BOD1L1: variants seen among roughly 807,000 people sequenced by gnomAD.
The protein encoded by BOD1L1 is biorientation of chromosomes in cell division protein 1-like 1.
A neutral mutation model predicts 240.7 loss-of-function variants in BOD1L1; 86 were observed. The observed-to-expected ratio is 0.36, with a 90% CI of 0.30 to 0.43. The LOEUF (loss-of-function observed/expected upper bound fraction) is 0.43. BOD1L1 is among the 20% of genes least tolerant of loss of function. The probability of loss-of-function intolerance (pLI) is 1.00; values close to 1 mark genes in which losing one functional copy is unlikely to be tolerated. For missense variants in BOD1L1, 3,554 were observed against 3,643.5 expected, an observed-to-expected ratio of 0.98 and a Z score of 0.63; for synonymous variants, 1,268 against 1,272.3, an observed-to-expected ratio of 1.00 and a Z score of 0.07.
chr4:13,608,164 T>G (rs554939625), intron 8 of BOD1L1, among the ~76,000 whole-genome samples: 1 of 152,242 alleles, frequency 6.6e-6, no homozygotes, highest in African/African-American at 2.4e-5. Flanking sequence ...AAATAATAAT[T>G]GAAAATAAGT....
chr4:13,622,192 C>A (rs1717090628), intron 1 of BOD1L1, among the ~76,000 whole-genome samples: 1 of 152,090 alleles, frequency 6.6e-6, no homozygotes, highest in Non-Finnish European at 1.5e-5. Context: ...TTCTTTCTCC[C>A]CAATGATTCT....
rs769428214 is a variant in BOD1L1, at chr4:13,604,711, C to A, written c.2189G>T (p.Arg730Ile). 2.5e-6 allele frequency: 4 copies of A among 1,602,498 alleles called. No homozygotes were observed. Among genetic ancestry groups the A allele is most frequent in the Admixed American group, 3.5e-5 (2 of 57,196 alleles). ...EVKSSKEKPE[R>I]EKTPSEDKLS... ...TTTGTCTTCCGATGGAGTTTTCTCTCTTTCAGGCTTCTCCTTGGAGGATTT... is the reference window on the plus strand; with the variant it reads ...TTTGTCTTCCGATGGAGTTTTCTCTATTTCAGGCTTCTCCTTGGAGGATTT... The change falls in exon 10 of 26, where the codon AGA (arginine) becomes ATA (isoleucine). Residue 730 changes from arginine (R) to isoleucine (I), a missense_variant. Physicochemically the swap from Arg to Ile is moderately conservative, Grantham distance 97. Coordinates refer to ENST00000040738, the MANE Select transcript of BOD1L1 (RefSeq NM_148894.3).
chr4:13,593,013 G>T (rs1170475652), intron 12 of BOD1L1: 2 of 152,068 alleles, frequency 1.3e-5, no homozygotes, highest in Non-Finnish European at 2.9e-5. Context: ...TCAAAAATGA[G>T]AAATCTGAAA....
At chr4:13,573,684 C>T (rs991337033) in intron 25 of BOD1L1, among the ~76,000 whole-genome samples, 27 of 152,026 alleles carry the variant, frequency 1.8e-4, no homozygotes, top group African/African-American at 6.3e-4. Flanking sequence ...CCACAATGCT[C>T]GGCTACTTTT....
chr4:13,596,138 G>A lies in BOD1L1; in HGVS notation c.8020-194C>T, dbSNP rs75739980. On this transcript the variant is annotated intron_variant, in intron 11 of 25. Coordinates refer to ENST00000040738, the MANE Select transcript of BOD1L1 (RefSeq NM_148894.3). ...CCAAGTAAAAAATCAATTTAATCTCGTATTTCATCCATCAATGGGTATTCT... is the reference window on the plus strand; with the variant it reads ...CCAAGTAAAAAATCAATTTAATCTCATATTTCATCCATCAATGGGTATTCT... Among the ~76,000 whole-genome samples, 1,329 of 152,076 alleles carry A rather than the reference G, an allele frequency of 8.7e-3. 16 individuals carry two copies. Among genetic ancestry groups the A allele is most frequent in the African/African-American group, 0.03 (1,264 of 41,460 alleles).
chr4:13,607,911 G>A (rs1715841653), intron 8 of BOD1L1, among the ~76,000 whole-genome samples: 1 of 152,160 alleles, frequency 6.6e-6, no homozygotes, highest in Non-Finnish European at 1.5e-5. Flanking sequence ...ACCAAGTTCT[G>A]CAAATTATCA....
rs1264053759 is a variant in BOD1L1 at position 13,599,096 on chromosome 4, C to T, written c.7804G>A (p.Asp2602Asn). Residue 2602 changes from aspartate (D) to asparagine (N), a missense_variant, in exon 10 of 26, where the codon GAC (aspartate) becomes AAC (asparagine). Physicochemically the swap from Asp to Asn is conservative, Grantham distance 23. This residue lies in a region of BOD1L1 where 3,393 missense variants were observed against 3,427.1 expected (regional missense o/e 0.99). Coordinates refer to ENST00000040738, the MANE Select transcript of BOD1L1 (RefSeq NM_148894.3). ...VALLAPKCEQ[D>N]LTIKNDYSGK... ...CTATAATCATTCTTTATAGTCAAGT[C>T]CTGCTCACATTTAGGAGCCAACAGA... The T allele has an allele frequency of 1.2e-6, 2 of 1,613,972 alleles. No homozygotes were observed. The highest frequency in any genetic ancestry group is 2.2e-5 in the East Asian group (1 of 44,872).
At chr4:13,621,620 C>CTCTA (rs1351170925) in intron 1 of BOD1L1, among the ~76,000 whole-genome samples, 1 of 152,152 alleles carries the variant, frequency 6.6e-6, no homozygotes, top group East Asian at 1.9e-4. Context: ...AAGCCTCCTC[C>CTCTA]TCTATCTCTC....
rs555265413 is a variant in BOD1L1, at chr4:13,581,049, C to G, written c.8674G>C (p.Asp2892His). ...PVETTLKMKD[D>H]SKTDTGIVTV... Reference sequence around the variant, plus strand: ...ACAATGCCAGTATCTGTTTTGGAGTCGTCTTCTAAAAAAAAAAAATTCACT... The same window carrying G: ...ACAATGCCAGTATCTGTTTTGGAGTGGTCTTCTAAAAAAAAAAAATTCACT... Residue 2892 changes from aspartate (D) to histidine (H), a missense_variant, in exon 21 of 26, where the codon GAC becomes CAC. Transcript: ENST00000040738. 1.9e-6 allele frequency: 3 copies of G among 1,568,508 alleles called. No individual in the cohort carries two copies. The highest frequency in any genetic ancestry group is 2.6e-6 in the Non-Finnish European group (3 of 1,156,302).
Position 13,601,773 on chromosome 4 carries a change from G to A in BOD1L1, c.5127C>T (p.Gly1709=). 6.2e-7 allele frequency: 1 copy of A among 1,613,932 alleles called. No homozygotes were observed. The highest frequency in any genetic ancestry group is 8.5e-7 in the Non-Finnish European group (1 of 1,179,876). The part of the protein sequence containing the change: ...AGSISSEEVD[G]SQGNMMRMGP... ...CCATTCTCATCATATTTCCCTGGGA[G>A]CCATCCACCTCTTCACTGCTTATAG... The change falls in exon 10 of 26, where the codon GGC becomes GGT. Residue 1709 remains glycine (G), a synonymous_variant. Coordinates refer to ENST00000040738, the MANE Select transcript of BOD1L1 (RefSeq NM_148894.3).
intron 25 of BOD1L1, among the ~76,000 whole-genome samples, chr4:13,575,270 G>C (rs1266513933): frequency 2.0e-5 from 3 of 152,002 alleles, no homozygotes; most frequent in Non-Finnish European, 4.4e-5. Flanking sequence ...TATGCTGTTA[G>C]TGTTATTTTT....
intron 25 of BOD1L1, among the ~76,000 whole-genome samples, chr4:13,573,917 T>C (rs150099203): frequency 6.6e-6 from 1 of 152,174 alleles, no homozygotes; most frequent in Non-Finnish European, 1.5e-5. Context: ...CCTCAAGCAA[T>C]CTTCCTGCCT....
Position 13,603,645 on chromosome 4 carries a change from T to G in BOD1L1, c.3255A>C (p.Gly1085=). Residue 1085 remains glycine (G), a synonymous_variant, in exon 10 of 26, where the codon GGA becomes GGC. Transcript: ENST00000040738. The part of the protein sequence containing the change: ...RGSLSQEMAK[G]EEKLAANTLS... ...AAGTGTTTGCTGCTAATTTTTCTTC[T>G]CCTTTGGCCATTTCTTGTGACAAGC... The G allele has an allele frequency of 1.2e-6, 2 of 1,613,894 alleles. No individual in the cohort carries two copies. Among genetic ancestry groups the G allele is most frequent in the Non-Finnish European group, 1.7e-6 (2 of 1,179,860 alleles).
At chr4:13,570,781 T>C (rs932360367) in intron 25 of BOD1L1, among the ~76,000 whole-genome samples, 2 of 152,182 alleles carry the variant, frequency 1.3e-5, no homozygotes, top group African/African-American at 2.4e-5. Flanking sequence ...GAGCCTTTTA[T>C]AGTTCTGCCT....
intron 17 of BOD1L1, 58 bp from the exon 18 acceptor site, chr4:13,582,794 A>C: frequency 1.7e-6 from 2 of 1,168,380 alleles, no homozygotes; most frequent in Non-Finnish European, 2.5e-6. Context: ...TCGTCCATTC[A>C]TCCTCCCCAC....
chr4:13,624,171 C>T (rs1717227122), intron 1 of BOD1L1: 1 of 151,724 alleles, frequency 6.6e-6, no homozygotes, highest in Non-Finnish European at 1.5e-5. Context: ...AGTACCAGAA[C>T]ATAACCTGTA....
chr4:13,608,713 CA>C lies in BOD1L1; in HGVS notation c.1604-46del, dbSNP rs530364305. ...TAAAACGTATTTCAGAAAAGTTTTA[CA>C]AACAATGTAATATTAATTTTTCATT... On this transcript the variant is annotated intron_variant, in intron 7 of 25. Coordinates refer to ENST00000040738, the MANE Select transcript of BOD1L1 (RefSeq NM_148894.3). 1.2e-4 allele frequency: 159 copies of C among 1,353,976 alleles called. No homozygotes were observed. In the East Asian group the frequency reaches 4.6e-3, roughly 39 times the overall value. The allele number at this position is 1,353,976 out of a possible 1,614,324, so 83.9% of individuals were successfully genotyped here. A position where few individuals can be genotyped will look rare whatever the true frequency, so the allele number is the denominator to read the frequency against.
Position 13,601,042 on chromosome 4 carries a change from A to G in BOD1L1, c.5858T>C (p.Ile1953Thr). 6.2e-7 allele frequency: 1 copy of G among 1,613,756 alleles called. No individual in the cohort carries two copies. The highest frequency in any genetic ancestry group is 1.1e-5 in the South Asian group (1 of 91,050). The stretch of plus-strand genomic sequence containing the variant: ...TGCACTGGTCACACTGCTTTCTACA[A>G]TCCCTTTTGCACTGGAGCAGATATC... ...DTDICSSAKG[I>T]VESSVTSAVS... The change falls in exon 10 of 26, where the codon ATT (isoleucine) becomes ACT (threonine). Residue 1953 changes from isoleucine (I) to threonine (T), a missense_variant. By Grantham distance (89) the Ile-to-Thr change is moderately conservative. Around this residue, in one of 2 missense-constraint regions of BOD1L1, gnomAD observed 3,393 missense variants for 3,427.1 expected, o/e 0.99. Coordinates refer to ENST00000040738, the MANE Select transcript of BOD1L1 (RefSeq NM_148894.3).
chr4:13,608,606 T>C lies in BOD1L1; in HGVS notation c.1666A>G (p.Ile556Val). ...TTCCGTTCTTTAAGGACTTCTTTAATTCTGGCGGCTTTAGGTTCCAAACTC... is the reference window on the plus strand; with the variant it reads ...TTCCGTTCTTTAAGGACTTCTTTAACTCTGGCGGCTTTAGGTTCCAAACTC... ...TKSLEPKAARIKEVLKERKVL... is the reference protein window; with the variant it reads ...TKSLEPKAARVKEVLKERKVL... Residue 556 changes from isoleucine (I) to valine (V), a missense_variant, in exon 8 of 26, where the codon ATT (isoleucine) becomes GTT (valine). Physicochemically the swap from Ile to Val is conservative, Grantham distance 29. Around this residue, in one of 2 missense-constraint regions of BOD1L1, gnomAD observed 3,393 missense variants for 3,427.1 expected, o/e 0.99. Transcript: ENST00000040738. The C allele has an allele frequency of 4.5e-6, 7 of 1,563,218 alleles. No homozygotes were observed. The highest frequency in any genetic ancestry group is 6.1e-6 in the Non-Finnish European group (7 of 1,155,458).
Sources: allele counts gnomAD v4.1 joint callset (sites outside exome capture counted in the v4.1 genomes callset), GRCh38; gene constraint gnomAD v4.1.1; regional missense constraint gnomAD v4.1.1; transcripts MANE v1.5; gene names NCBI Gene and HGNC (gene_info 2026-07-23, HGNC 2026-07-21).